The following PIK3AP1 variants were observed in gnomAD, a reference collection of about 807,000 sequenced individuals.
PIK3AP1 encodes phosphoinositide-3-kinase adaptor protein 1, also known as phosphoinositide 3-kinase adapter protein 1.
In PIK3AP1, 21 loss-of-function variants were observed where a neutral mutation model predicts 88.1. The ratio of observed to expected loss-of-function variants is 0.24; its 90% CI spans 0.17 to 0.34. The LOEUF (loss-of-function observed/expected upper bound fraction) is 0.34. Ranked by LOEUF, PIK3AP1 falls within the 10% of genes least tolerant of loss-of-function variation. The pLI is 1.00. For missense variants in PIK3AP1, 828 were observed against 1,035.7 expected (o/e 0.80, Z 2.75); for synonymous variants, 398 against 400.0 (o/e 1.00, Z 0.06).
intron 2 of PIK3AP1, among the ~76,000 whole-genome samples, chr10:96,676,662 T>G (rs1351001024): frequency 6.6e-6 from 1 of 151,766 alleles, no homozygotes; most frequent in African/African-American, 2.4e-5. Flanking sequence ...GGGTTTTTTT[T>G]TTTTTTTTTT....
Position 96,617,198 on chromosome 10 carries a change from C to T in PIK3AP1, c.1942-487G>A, listed in dbSNP as rs148210238. Among the ~76,000 whole-genome samples, 671 of 152,338 alleles carry T rather than the reference C, an allele frequency of 4.4e-3. 1 individual carries two copies. Among genetic ancestry groups the T allele is most frequent in the Non-Finnish European group, 6.6e-3 (452 of 68,038 alleles). On this transcript the variant is annotated intron_variant, in intron 12 of 16. Coordinates refer to ENST00000339364, the MANE Select transcript of PIK3AP1 (RefSeq NM_152309.3). ...GTGTGCACACTCTTGTGCCTTGCCT[C>T]TTTGAGATACTGTGAGCTCTTCAAG...
chr10:96,695,700 G>A (rs1844210312), intron 2 of PIK3AP1, among the ~76,000 whole-genome samples: 1 of 151,518 alleles, frequency 6.6e-6, no homozygotes, highest in Non-Finnish European at 1.5e-5. Context: ...CAATTCTAGA[G>A]GTTTCCTCCA....
At chr10:96,670,173 AAGAG>A (rs1470203950) in intron 2 of PIK3AP1, among the ~76,000 whole-genome samples, 4 of 141,746 alleles carry the variant, frequency 2.8e-5, no homozygotes, top group East Asian at 2.1e-4. Context: ...AAAAAAAAAA[AAGAG>A]AGAGAGAGAG....
chr10:96,637,707 G>A (rs1589505112), intron 8 of PIK3AP1, among the ~76,000 whole-genome samples: 1 of 152,114 alleles, frequency 6.6e-6, no homozygotes, highest in Non-Finnish European at 1.5e-5. Flanking sequence ...TAGAGTGAGG[G>A]TGTTTCCAGA....
chr10:96,613,265 C>T (rs887153465), intron 13 of PIK3AP1, among the ~76,000 whole-genome samples: 2 of 151,862 alleles, frequency 1.3e-5, no homozygotes, highest in Non-Finnish European at 2.9e-5. Flanking sequence ...TCCCAAAGTG[C>T]CGGGATTACA....
rs149082975 is a variant in PIK3AP1 at position 96,610,569 on chromosome 10, A to T, written c.2015-702T>A. On this transcript the variant is annotated intron_variant, in intron 13 of 16. Transcript: ENST00000339364. Reference sequence around the variant, plus strand: ...TGGGTGTGGGCTGGGTGGCCCACACACACAGTAATGACCCCGAAAGCTAAT... The same window carrying T: ...TGGGTGTGGGCTGGGTGGCCCACACTCACAGTAATGACCCCGAAAGCTAAT... Among the ~76,000 whole-genome samples the T allele has an allele frequency of 6.3e-4, 96 of 152,238 alleles. 3 individuals are homozygous for T. The East Asian group carries it at 0.015, about 23-fold the overall frequency.
chr10:96,712,118 C>G (rs1034813047), intron 1 of PIK3AP1, among the ~76,000 whole-genome samples: 7 of 152,046 alleles, frequency 4.6e-5, no homozygotes, highest in African/African-American at 1.7e-4. Flanking sequence ...TGTTTTGAGT[C>G]CCCCTGGTTT....
intron 2 of PIK3AP1, among the ~76,000 whole-genome samples, chr10:96,700,270 C>T (rs978507770): frequency 5.9e-5 from 9 of 152,238 alleles, no homozygotes; most frequent in South Asian, 2.1e-4. Context: ...ACCACCCCAC[C>T]GAGATCTCTC....
intron 12 of PIK3AP1, chr10:96,618,589 T>TAAAAAAAAAAA (rs5787201): frequency 7.0e-6 from 1 of 143,432 alleles, no homozygotes. Flanking sequence ...CAAGAAAATG[T>TAAAAAAAAAAA]AAAAAAAAAA....
chr10:96,666,909 A>G (rs1843770910), intron 2 of PIK3AP1, among the ~76,000 whole-genome samples: 1 of 151,918 alleles, frequency 6.6e-6, no homozygotes, highest in African/African-American at 2.4e-5. Context: ...TCCCTTCTAG[A>G]TGTGGCCCAG....
At chr10:96,717,821 T>A (rs1010394473) in intron 1 of PIK3AP1, among the ~76,000 whole-genome samples, 1 of 152,214 alleles carries the variant, frequency 6.6e-6, no homozygotes, top group Non-Finnish European at 1.5e-5. Flanking sequence ...TTTTGTGGAA[T>A]AGGCCAAGTC....
At chr10:96,616,767 C>T in intron 12 of PIK3AP1, 56 bp from the exon 13 acceptor site, 1 of 1,511,022 alleles carries the variant, frequency 6.6e-7, no homozygotes, top group Non-Finnish European at 9.2e-7. Flanking sequence ...ACCCTCTGGA[C>T]ATGAGAGTTT....
At chr10:96,659,957 T>C (rs947192911) in intron 2 of PIK3AP1, among the ~76,000 whole-genome samples, 11 of 152,120 alleles carry the variant, frequency 7.2e-5, no homozygotes, top group Non-Finnish European at 1.3e-4. Flanking sequence ...TCCATTTATA[T>C]AGGTATTACG....
At chr10:96,628,211 C>T (rs535598985) in intron 9 of PIK3AP1, among the ~76,000 whole-genome samples, 187 bp downstream of exon 9, 55 of 152,326 alleles carry the variant, frequency 3.6e-4, no homozygotes, top group Admixed American at 8.5e-4. Flanking sequence ...TGGCCCACCT[C>T]TAAAGGGCTG....
chr10:96,696,925 T>C (rs1431337023), intron 2 of PIK3AP1, among the ~76,000 whole-genome samples: 2 of 152,220 alleles, frequency 1.3e-5, no homozygotes, highest in East Asian at 3.8e-4. Flanking sequence ...ATGCAAGGTA[T>C]GTAAAATCAC....
intron 11 of PIK3AP1, chr10:96,621,437 A>T (rs937974819): frequency 6.6e-6 from 1 of 152,556 alleles, no homozygotes; most frequent in Non-Finnish European, 1.5e-5. Context: ...AGACGACTCC[A>T]GGAAAAGGTC....
chr10:96,653,271 G>C (rs1481350521), intron 3 of PIK3AP1, among the ~76,000 whole-genome samples: 2 of 151,236 alleles, frequency 1.3e-5, no homozygotes, highest in African/African-American at 2.4e-5. Flanking sequence ...CAGGAGTGGT[G>C]GTGGGTGCCT....
chr10:96,678,360 A>G (rs1475436199), intron 2 of PIK3AP1, among the ~76,000 whole-genome samples: 3 of 151,620 alleles, frequency 2.0e-5, no homozygotes, highest in African/African-American at 7.3e-5. Flanking sequence ...GCTTGAACCC[A>G]GGAGGCGGAG....
chr10:96,609,757 G>T lies in PIK3AP1; in HGVS notation c.2125C>A (p.Leu709Met), dbSNP rs1183192504. The T allele has an allele frequency of 3.7e-6, 6 of 1,614,100 alleles. No individual in the cohort carries two copies. Among genetic ancestry groups the T allele is most frequent in the Non-Finnish European group, 5.1e-6 (6 of 1,179,996 alleles). The change falls in exon 14 of 17, where the codon CTG becomes ATG. Residue 709 changes from leucine to methionine, a missense_variant. Transcript: ENST00000339364. ...RKSVIPPRTELRRGDWKTDST... is the reference protein window; with the variant it reads ...RKSVIPPRTEMRRGDWKTDST... ...TCTGTTTTCCAGTCTCCTCGTCTCA[G>T]CTCCGTCCTAGGGGGAATGACACTT...
Sources: allele counts gnomAD v4.1 joint callset (sites outside exome capture counted in the v4.1 genomes callset), GRCh38; gene constraint gnomAD v4.1.1; transcripts MANE v1.5; gene names NCBI Gene and HGNC (gene_info 2026-07-23, HGNC 2026-07-21).